The following PGM2 variants were observed in gnomAD, a reference collection of about 807,000 sequenced individuals.
PGM2 encodes phosphopentomutase.
A neutral mutation model predicts 74.6 loss-of-function variants in PGM2; 57 were observed. That is an observed-to-expected ratio of 0.76 (90% CI 0.62 to 0.95). The LOEUF (loss-of-function observed/expected upper bound fraction) is 0.95, where lower values mean the gene tolerates loss of function less well. PGM2 is among the 40% of genes least tolerant of loss of function. PGM2 has a pLI of 0.00. For missense variants in PGM2, 706 were observed against 741.9 expected (o/e 0.95, Z 0.56); for synonymous variants, 273 against 260.7 (o/e 1.05, Z -0.46).
At position 37,845,864 on chromosome 4, in the gene PGM2, C is replaced by T. The variant is rs1391789405; in HGVS notation, c.1007+134C>T. The T allele has an allele frequency of 3.4e-5, 22 of 644,128 alleles. No homozygotes were observed. In the Admixed American group the frequency reaches 5.4e-4, roughly 16 times the overall value. The allele number at this position is 644,128 out of a possible 1,614,324, so 39.9% of individuals were successfully genotyped here. ...TTTTGCAAATGATCATTTCACTGAA[C>T]CTCCTGTAGAGTCTTCTAATGGAGA... On this transcript the variant is annotated intron_variant, in intron 8 of 13. Coordinates refer to ENST00000381967, the MANE Select transcript of PGM2 (RefSeq NM_018290.4).
chr4:37,841,072 G>GTATATATATATATATATATA (rs36127170), intron 6 of PGM2, among the ~76,000 whole-genome samples: 360 of 113,558 alleles, frequency 3.2e-3, no homozygotes, highest in East Asian at 9.5e-3. Context: ...ATATGCAAGC[G>GTATATATATATATATATATA]TATATATATA....
chr4:37,840,398 T>C lies in PGM2; in HGVS notation c.719+139T>C, dbSNP rs577783763. 4.9e-6 allele frequency: 3 copies of C among 609,688 alleles called. No homozygotes were observed. The South Asian group carries it at 6.4e-5, about 13-fold the overall frequency. 37.8% of individuals were successfully genotyped at this position (609,688 alleles called of 1,614,324 possible). A position where few individuals can be genotyped will look rare whatever the true frequency, so the allele number is the denominator to read the frequency against. ...GATTTTATTTTATTTTATTTACTTA[T>C]TTTGAGACAGGGTCTCACTGTGTCA... On this transcript the variant is annotated intron_variant, in intron 6 of 13. Coordinates refer to ENST00000381967, the MANE Select transcript of PGM2 (RefSeq NM_018290.4).
At chr4:37,844,688 C>G (rs1476132098) in intron 7 of PGM2, 135 bp downstream of exon 7, 2 of 622,438 alleles carry the variant, frequency 3.2e-6, no homozygotes, top group Non-Finnish European at 5.6e-6. Flanking sequence ...GTATGTTTGG[C>G]TGGGTGCAGC....
rs535758528 is a variant in PGM2 at position 37,860,987 on chromosome 4, AC to A, written c.1737-520del. Among the ~76,000 whole-genome samples, 701 of 152,260 alleles carry A rather than the reference AC, an allele frequency of 4.6e-3. 7 individuals are homozygous for A. Among genetic ancestry groups the A allele is most frequent in the African/African-American group, 0.016 (677 of 41,564 alleles). ...TCTTGGTGTTTGACTCCTCAAACCC[AC>A]CCGGAGGCTCCCTATTGCTGTTCAT... On this transcript the variant is annotated intron_variant, in intron 13 of 13. Coordinates refer to ENST00000381967, the MANE Select transcript of PGM2 (RefSeq NM_018290.4).
chr4:37,844,290 A>T lies in PGM2; in HGVS notation c.720-74A>T, dbSNP rs111988104. ...AGAAAGATGTTCAGTTGTCTTGTGC[A>T]TTCTTGCAAACCTTGCAGTTTTGAG... On this transcript the variant is annotated intron_variant, in intron 6 of 13. Coordinates refer to ENST00000381967, the MANE Select transcript of PGM2 (RefSeq NM_018290.4). 2.8e-4 allele frequency: 250 copies of T among 903,082 alleles called. No individual in the cohort carries two copies. In the African/African-American group the frequency reaches 2.9e-3, roughly 11 times the overall value. The allele number at this position is 903,082 out of a possible 1,614,324, so 55.9% of individuals were successfully genotyped here.
intron 12 of PGM2, among the ~76,000 whole-genome samples, chr4:37,853,940 C>A (rs1420635844): frequency 1.3e-5 from 2 of 152,208 alleles, no homozygotes; most frequent in Non-Finnish European, 2.9e-5. Flanking sequence ...GGTCTAAGAA[C>A]TTCTTTCAAA....
At position 37,829,926 on chromosome 4, in the gene PGM2, C is replaced by T. The variant is rs751668659; in HGVS notation, c.82-38C>T. The T allele has an allele frequency of 6.7e-6, 9 of 1,340,938 alleles. No individual in the cohort carries two copies. The South Asian group carries it at 1.1e-4, about 17-fold the overall frequency. 83.1% of individuals were successfully genotyped at this position (1,340,938 alleles called of 1,614,324 possible). The stretch of plus-strand genomic sequence containing the variant: ...TTTTTTACATTTCTGATTTTTCATT[C>T]ACTTGTCTGGCTGTGTCTATACATT... On this transcript the variant is annotated intron_variant, in intron 1 of 13. Transcript: ENST00000381967.
chr4:37,844,221 A>G, intron 6 of PGM2, 143 bp from the exon 7 acceptor site: 1 of 569,178 alleles, frequency 1.8e-6, no homozygotes, highest in East Asian at 2.9e-5. Context: ...GAATATATAT[A>G]TCTGGGAGAG....
rs1725737337 is a variant in PGM2, at chr4:37,841,835, TGC to T, written c.719+1582_719+1583del. 2.6e-5 allele frequency among the ~76,000 whole-genome samples: 4 copies of T among 152,250 alleles called. No homozygotes were observed. In the South Asian group the frequency reaches 8.3e-4, roughly 31 times the overall value. Reference sequence around the variant, plus strand: ...TTGCTTGAGTATGTGTGTGGGTGTGTGCGCGCGTGCATGCACGTGCATGTGTG... The same window carrying T: ...TTGCTTGAGTATGTGTGTGGGTGTGTGCGCGTGCATGCACGTGCATGTGTG... On this transcript the variant is annotated intron_variant, in intron 6 of 13. Transcript: ENST00000381967.
chr4:37,828,832 G>C (rs1326429862), intron 1 of PGM2, among the ~76,000 whole-genome samples: 1 of 152,138 alleles, frequency 6.6e-6, no homozygotes, highest in Non-Finnish European at 1.5e-5. Context: ...CCTGATCTGA[G>C]CCTTTCTTTG....
In PGM2 at chr4:37,862,051, C is replaced by G. The variant is rs1195178459; in HGVS notation, c.*439C>G. 6.5e-6 allele frequency: 1 copy of G among 153,030 alleles called. No individual in the cohort carries two copies. The highest frequency in any genetic ancestry group is 2.4e-5 in the African/African-American group (1 of 41,434). 9.5% of individuals were successfully genotyped at this position (153,030 alleles called of 1,614,324 possible). A position where few individuals can be genotyped will look rare whatever the true frequency, so the allele number is the denominator to read the frequency against. The stretch of plus-strand genomic sequence containing the variant: ...TTTAGGTATATGTACATTTATATTT[C>G]TATCAATTCCTTAGAAAGTAAAATA... On this transcript the variant is annotated 3_prime_UTR_variant, in exon 14 of 14. Transcript: ENST00000381967.
intron 11 of PGM2, among the ~76,000 whole-genome samples, chr4:37,849,818 C>G (rs1725986399): frequency 6.6e-6 from 1 of 151,718 alleles, no homozygotes; most frequent in Admixed American, 6.6e-5. Flanking sequence ...GAGATGGAGT[C>G]TCTCGTTGCC....
intron 2 of PGM2, among the ~76,000 whole-genome samples, chr4:37,831,689 A>G (rs191815030): frequency 1.8e-4 from 28 of 152,302 alleles, no homozygotes; most frequent in African/African-American, 5.8e-4. Context: ...GAATGTGCCA[A>G]TTGGAAGCTG....
At chr4:37,842,885 A>C (rs1198447982) in intron 6 of PGM2, among the ~76,000 whole-genome samples, 1 of 152,062 alleles carries the variant, frequency 6.6e-6, no homozygotes, top group Non-Finnish European at 1.5e-5. Context: ...CTGGTCTCGT[A>C]TTCCTGAGCT....
At chr4:37,832,692 T>C (rs760431622) in intron 2 of PGM2, among the ~76,000 whole-genome samples, 10 of 152,362 alleles carry the variant, frequency 6.6e-5, no homozygotes, top group Middle Eastern at 3.4e-3. Flanking sequence ...GATGGGAAAC[T>C]CACTGTCCTC....
At chr4:37,827,013 G>C (rs1039982686) in intron 1 of PGM2, among the ~76,000 whole-genome samples, 200 bp downstream of exon 1, 1 of 152,250 alleles carries the variant, frequency 6.6e-6, no homozygotes, top group Non-Finnish European at 1.5e-5. Context: ...GAGTTAGGCC[G>C]GGAAGGCTTG....
At chr4:37,833,363 C>T (rs1387316918) in intron 2 of PGM2, among the ~76,000 whole-genome samples, 1 of 152,164 alleles carries the variant, frequency 6.6e-6, no homozygotes, top group East Asian at 1.9e-4. Flanking sequence ...TGAAACCAGC[C>T]TGGGCAATAT....
rs182641498 is a variant in PGM2 at position 37,852,052 on chromosome 4, T to C, written c.1602+1679T>C. The stretch of plus-strand genomic sequence containing the variant: ...TGGCATGATCACAGCTCCCTGTAGC[T>C]TTGACCTCCCAGGTTCAAGTGATCC... On this transcript the variant is annotated intron_variant, in intron 12 of 13. Transcript: ENST00000381967. 4.2e-3 allele frequency among the ~76,000 whole-genome samples: 621 copies of C among 148,694 alleles called. 7 individuals carry two copies. The highest frequency in any genetic ancestry group is 0.013 in the African/African-American group (547 of 40,720).
intron 1 of PGM2, among the ~76,000 whole-genome samples, chr4:37,827,022 T>C (rs933782808): frequency 6.6e-6 from 1 of 152,252 alleles, no homozygotes; most frequent in Non-Finnish European, 1.5e-5. Context: ...CGGGAAGGCT[T>C]GTCCCCGGAC....
Sources: allele counts gnomAD v4.1 joint callset (sites outside exome capture counted in the v4.1 genomes callset), GRCh38; gene constraint gnomAD v4.1.1; transcripts MANE v1.5; gene names NCBI Gene and HGNC (gene_info 2026-07-23, HGNC 2026-07-21).